Variants in DDI2 observed in about 807,000 individuals in gnomAD.
DDI2 encodes protein DDI1 homolog 2.
In DDI2, 5 loss-of-function variants were observed where a neutral mutation model predicts 48.1. The observed-to-expected ratio is 0.10, with a 90% CI of 0.05 to 0.22. The LOEUF (loss-of-function observed/expected upper bound fraction) is 0.22. Ranked by LOEUF, DDI2 falls within the 10% of genes least tolerant of loss-of-function variation. The pLI is 1.00. For synonymous variants in DDI2, 205 were observed against 183.6 expected (o/e 1.12, Z -0.94); for missense variants, 285 against 506.2 (o/e 0.56, Z 4.19).
rs927770469 is a variant in DDI2 at position 15,637,239 on chromosome 1, G to A, written c.633-1068G>A. 3.3e-5 allele frequency among the ~76,000 whole-genome samples: 5 copies of A among 152,114 alleles called. No homozygotes were observed. The South Asian group carries it at 8.3e-4, about 25-fold the overall frequency. On this transcript the variant is annotated intron_variant, in intron 4 of 9. Coordinates refer to ENST00000480945, the MANE Select transcript of DDI2 (RefSeq NM_032341.5). Reference sequence around the variant, plus strand: ...TTTTCTTTTCCTTCCTTTTGGTGGGGAGAGATGGGGTTTCACCATGTTGCC... The same window carrying A: ...TTTTCTTTTCCTTCCTTTTGGTGGGAAGAGATGGGGTTTCACCATGTTGCC...
Position 15,660,260 on chromosome 1 carries a change from C to G in DDI2, c.*470C>G, listed in dbSNP as rs1427991262. On this transcript the variant is annotated 3_prime_UTR_variant, in exon 10 of 10. Transcript: ENST00000480945. ...TTTCATCTCCATACAAGACAGGAAGCTAGTTTATCTGTCACATCTACTAGG... is the reference window on the plus strand; with the variant it reads ...TTTCATCTCCATACAAGACAGGAAGGTAGTTTATCTGTCACATCTACTAGG... 5 of 1,614,038 alleles carry G rather than the reference C, an allele frequency of 3.1e-6. No homozygotes were observed. Among genetic ancestry groups the G allele is most frequent in the African/African-American group, 1.3e-5 (1 of 74,916 alleles).
chr1:15,652,665 T>C (rs1292346114), intron 8 of DDI2, among the ~76,000 whole-genome samples: 2 of 151,476 alleles, frequency 1.3e-5, no homozygotes, highest in East Asian at 2.0e-4. Context: ...CTACTAAATA[T>C]ACAAAAAATT....
chr1:15,622,060 T>C (rs774285636), intron 1 of DDI2, among the ~76,000 whole-genome samples: 2 of 152,218 alleles, frequency 1.3e-5, no homozygotes, highest in African/African-American at 4.8e-5. Flanking sequence ...GGCCGGTTTA[T>C]GGTCCTTATT....
chr1:15,622,627 A>G (rs1237249349), intron 1 of DDI2, among the ~76,000 whole-genome samples: 1 of 151,964 alleles, frequency 6.6e-6, no homozygotes, highest in Non-Finnish European at 1.5e-5. Context: ...TGAGTTGGGT[A>G]ACATGAATGG....
In DDI2 at chr1:15,661,490, ATGTC is replaced by A. The variant is rs750873964; in HGVS notation, c.*1705_*1708del. The A allele has an allele frequency of 3.7e-6, 6 of 1,613,916 alleles. No homozygotes were observed. Among genetic ancestry groups the A allele is most frequent in the Non-Finnish European group, 5.1e-6 (6 of 1,179,866 alleles). ...ACAGACAGGCCTGAAACCAGAGAAA[ATGTC>A]TGTCCTGATGCTTCGAGGCCATTAC... is the stretch of plus-strand genomic sequence containing the variant. On this transcript the variant is annotated 3_prime_UTR_variant, in exon 10 of 10. Transcript: ENST00000480945.
Position 15,662,659 on chromosome 1 carries a change from T to A in DDI2, c.*2869T>A, listed in dbSNP as rs1275479885. On this transcript the variant is annotated 3_prime_UTR_variant, in exon 10 of 10. Transcript: ENST00000480945. ...CAGGAATGGATTCATTGCCAGCAGCTTATTTCCTTTCTAGACTCTTCTGCC... is the reference window on the plus strand; with the variant it reads ...CAGGAATGGATTCATTGCCAGCAGCATATTTCCTTTCTAGACTCTTCTGCC... The A allele has an allele frequency of 6.6e-6, 1 of 152,262 alleles. No individual in the cohort carries two copies. Among genetic ancestry groups the A allele is most frequent in the East Asian group, 1.9e-4 (1 of 5,208 alleles). The allele number at this position is 152,262 out of a possible 1,614,324, so 9.4% of individuals were successfully genotyped here.
chr1:15,620,058 C>CCTA (rs1639632468), intron 1 of DDI2, among the ~76,000 whole-genome samples: 1 of 152,098 alleles, frequency 6.6e-6, no homozygotes, highest in South Asian at 2.1e-4. Context: ...GTTAGGAATA[C>CCTA]CTTAGTAATT....
At chr1:15,627,011 C>G in intron 2 of DDI2, 1 of 593,866 alleles carries the variant, frequency 1.7e-6, no homozygotes, top group South Asian at 2.2e-5. Flanking sequence ...AACCCCAACT[C>G]CTAAAGCTGA....
Position 15,660,883 on chromosome 1 carries a change from C to T in DDI2, c.*1093C>T. Reference sequence around the variant, plus strand: ...CTCTCCAAGTCTCTGTGGCAGTTGTCAGCCTTCTGTGGAGTCAGCAGAAGA... The same window carrying T: ...CTCTCCAAGTCTCTGTGGCAGTTGTTAGCCTTCTGTGGAGTCAGCAGAAGA... On this transcript the variant is annotated 3_prime_UTR_variant, in exon 10 of 10. Transcript: ENST00000480945. 1 of 1,614,116 alleles carries T rather than the reference C, an allele frequency of 6.2e-7. No homozygotes were observed. Among genetic ancestry groups the T allele is most frequent in the Non-Finnish European group, 8.5e-7 (1 of 1,180,018 alleles).
chr1:15,646,925 C>G (rs1302683405), intron 6 of DDI2, among the ~76,000 whole-genome samples: 3 of 152,060 alleles, frequency 2.0e-5, no homozygotes, highest in African/African-American at 7.2e-5. Context: ...AATCAACCAC[C>G]AGTATCATTT....
chr1:15,644,609 T>G (rs1448570637), intron 6 of DDI2, among the ~76,000 whole-genome samples: 2 of 137,996 alleles, frequency 1.4e-5, no homozygotes. Flanking sequence ...TTTTTTTTTT[T>G]TTGAGACGGA....
rs1640439218 is a variant in DDI2, at chr1:15,665,477, C to T, written c.*5687C>T. ...AAATGGAACATGAGGCTTTTTGTCA[C>T]TGATTTTATGATAACCAGTTAATGT... On this transcript the variant is annotated 3_prime_UTR_variant, in exon 10 of 10. Coordinates refer to ENST00000480945, the MANE Select transcript of DDI2 (RefSeq NM_032341.5). The T allele has an allele frequency of 6.6e-6, 1 of 152,060 alleles. No homozygotes were observed. The highest frequency in any genetic ancestry group is 6.6e-5 in the Admixed American group (1 of 15,266). 9.4% of individuals were successfully genotyped at this position (152,060 alleles called of 1,614,324 possible).
chr1:15,632,931 T>A lies in DDI2; in HGVS notation c.506-508T>A, dbSNP rs1200608118. Among the ~76,000 whole-genome samples, 4 of 106,042 alleles carry A rather than the reference T, an allele frequency of 3.8e-5. 1 individual carries two copies. Among genetic ancestry groups the A allele is most frequent in the South Asian group, 5.8e-4 (2 of 3,426 alleles). The allele number at this position is 106,042 out of a possible 152,430, so 69.6% of individuals were successfully genotyped here. On this transcript the variant is annotated intron_variant, in intron 3 of 9. Coordinates refer to ENST00000480945, the MANE Select transcript of DDI2 (RefSeq NM_032341.5). The stretch of plus-strand genomic sequence containing the variant: ...CAAATACTTTTTTTTTTTTTTTTTT[T>A]AAAAAAAAAAAAACAGGGTCTCACC...
chr1:15,627,304 T>C (rs941198938), intron 2 of DDI2, among the ~76,000 whole-genome samples: 2 of 152,194 alleles, frequency 1.3e-5, no homozygotes, highest in Non-Finnish European at 2.9e-5. Context: ...ATTATGAAGC[T>C]CAGATTTTAA....
At chr1:15,639,411 A>T (rs991624802) in intron 5 of DDI2, among the ~76,000 whole-genome samples, 1 of 151,980 alleles carries the variant, frequency 6.6e-6, no homozygotes, top group African/African-American at 2.4e-5. Flanking sequence ...AAAAGAAAAA[A>T]AGTATTTTCT....
intron 1 of DDI2, among the ~76,000 whole-genome samples, chr1:15,619,813 C>T (rs1639629494): frequency 6.6e-6 from 1 of 151,976 alleles, no homozygotes; most frequent in African/African-American, 2.4e-5. Flanking sequence ...TGATCACCGG[C>T]TGGTAGGGAA....
Position 15,644,580 on chromosome 1 carries a change from TTTTTTTG to T in DDI2, c.889+937_889+943del, listed in dbSNP as rs1165526171. Among the ~76,000 whole-genome samples the T allele has an allele frequency of 9.2e-4, 113 of 122,494 alleles. 1 individual carries two copies. Among genetic ancestry groups the T allele is most frequent in the African/African-American group, 3.6e-3 (106 of 29,748 alleles). The allele number at this position is 122,494 out of a possible 152,430, so 80.4% of individuals were successfully genotyped here. A position where few individuals can be genotyped will look rare whatever the true frequency, so the allele number is the denominator to read the frequency against. On this transcript the variant is annotated intron_variant, in intron 6 of 9. Coordinates refer to ENST00000480945, the MANE Select transcript of DDI2 (RefSeq NM_032341.5). ...TGAAAGTTTTCTTTTTCTTTTCAGT[TTTTTTTG>T]TTTTTTTTTTTTTTTTTTTTTTTTG...
chr1:15,649,163 A>G (rs1296480487), intron 6 of DDI2, among the ~76,000 whole-genome samples: 2 of 152,014 alleles, frequency 1.3e-5, no homozygotes, highest in Non-Finnish European at 1.5e-5. Flanking sequence ...CAGGAGTTCA[A>G]GACCAGCCTG....
chr1:15,632,899 A>T (rs1403871671), intron 3 of DDI2, among the ~76,000 whole-genome samples: 1 of 147,112 alleles, frequency 6.8e-6, no homozygotes, highest in African/African-American at 2.5e-5. Context: ...CTTATAAAAA[A>T]TTTTTGCAAA....
Sources: gnomAD v4.1 joint callset for allele counts (sites outside exome capture counted in the v4.1 genomes callset) on GRCh38, gnomAD v4.1.1 for gene constraint, MANE v1.5 for transcripts, NCBI Gene and HGNC (gene_info 2026-07-23, HGNC 2026-07-21) for gene names.